Variants in NAA11 observed in about 807,000 individuals in gnomAD.
NAA11 encodes N-alpha-acetyltransferase 11, NatA catalytic subunit, also known as N-alpha-acetyltransferase 11.
In NAA11, 15 loss-of-function variants were observed where a neutral mutation model predicts 16.1. The observed-to-expected ratio is 0.93, with a 90% CI of 0.62 to 1.44. The LOEUF (loss-of-function observed/expected upper bound fraction) is 1.44, where lower values mean the gene tolerates loss of function less well. Ranked by LOEUF, NAA11 falls within the 40% of genes most tolerant of loss-of-function variation. NAA11 has a pLI of 0.00. For synonymous variants in NAA11, 122 were observed against 112.4 expected, an observed-to-expected ratio of 1.09 and a Z score of -0.54; for missense variants, 298 against 291.3, an observed-to-expected ratio of 1.02 and a Z score of -0.17.
intron 2 of NAA11, among the ~76,000 whole-genome samples, chr4:79,247,705 T>C (rs1721873169): frequency 6.6e-6 from 1 of 151,990 alleles, no homozygotes. Context: ...GGGAGAAAGC[T>C]GGGAACCCTG....
chr4:79,214,533 C>T, the NAA11 span, among the ~76,000 whole-genome samples: 3 of 152,256 alleles, frequency 2.0e-5, no homozygotes, highest in African/African-American at 7.2e-5. Context: ...GGCTCCGTGG[C>T]TCACGCCTGT....
chr4:79,229,422 A>C (rs1721406623), intron 2 of NAA11, among the ~76,000 whole-genome samples: 1 of 151,926 alleles, frequency 6.6e-6, no homozygotes, highest in South Asian at 2.1e-4. Context: ...TCTATTTTGT[A>C]AAGTAGATTT....
chr4:79,265,809 G>T (rs539277271), intron 2 of NAA11, among the ~76,000 whole-genome samples: 2 of 152,060 alleles, frequency 1.3e-5, no homozygotes, highest in East Asian at 1.9e-4. Flanking sequence ...AGAGATGAGG[G>T]TCTTGCTTTG....
the NAA11 span, among the ~76,000 whole-genome samples, chr4:79,159,308 CA>C: frequency 1.3e-5 from 2 of 152,120 alleles, no homozygotes; most frequent in African/African-American, 4.8e-5. Context: ...AGCAGATATA[CA>C]AATGGTCAAC....
intron 2 of NAA11, among the ~76,000 whole-genome samples, chr4:79,268,616 A>G (rs1722403724): frequency 6.6e-6 from 1 of 152,022 alleles, no homozygotes; most frequent in African/African-American, 2.4e-5. Context: ...TACTTTGAAG[A>G]CTCTCAATGT....
At chr4:79,287,480 A>T (rs968256) in intron 2 of NAA11, among the ~76,000 whole-genome samples, 5 of 151,250 alleles carry the variant, frequency 3.3e-5, no homozygotes, top group Non-Finnish European at 4.4e-5. Flanking sequence ...TTTCTTTTTT[A>T]TTCTTTTGGA....
chr4:79,181,286 A>G, the NAA11 span, among the ~76,000 whole-genome samples: 1 of 151,036 alleles, frequency 6.6e-6, no homozygotes, highest in Admixed American at 6.6e-5. Context: ...CAGTTTTCCC[A>G]TAGGCAAAGG....
chr4:79,249,047 A>T (rs1486467183), intron 2 of NAA11, among the ~76,000 whole-genome samples: 1 of 152,170 alleles, frequency 6.6e-6, no homozygotes, highest in African/African-American at 2.4e-5. Flanking sequence ...CAAAGCAGGG[A>T]GCCCAATGCC....
the NAA11 span, among the ~76,000 whole-genome samples, chr4:79,211,251 T>G: frequency 6.6e-6 from 1 of 152,140 alleles, no homozygotes; most frequent in African/African-American, 2.4e-5. Context: ...TACATGAGCA[T>G]GTTCTAATAA....
At chr4:79,236,838 T>C (rs1021261644) in intron 2 of NAA11, among the ~76,000 whole-genome samples, 5 of 152,120 alleles carry the variant, frequency 3.3e-5, no homozygotes, top group Non-Finnish European at 7.4e-5. Flanking sequence ...TTTGCACAAG[T>C]GACAACATTG....
At chr4:79,161,364 C>G in the NAA11 span, among the ~76,000 whole-genome samples, 1 of 152,232 alleles carries the variant, frequency 6.6e-6, no homozygotes, top group South Asian at 2.1e-4. Context: ...GATCTAAATT[C>G]TATTCCAATT....
chr4:79,308,700 C>T (rs561237321), intron 1 of NAA11: 8 of 152,060 alleles, frequency 5.3e-5, no homozygotes, highest in Admixed American at 3.9e-4. Context: ...CTTGAGGTTC[C>T]CCCAATCTAT....
chr4:79,318,447 G>A (rs1331092309), intron 1 of NAA11, among the ~76,000 whole-genome samples: 1 of 152,056 alleles, frequency 6.6e-6, no homozygotes, highest in East Asian at 1.9e-4. Context: ...AATTTGAGAG[G>A]TCCATTCATT....
chr4:79,304,024 T>C (rs72664044), intron 1 of NAA11, among the ~76,000 whole-genome samples: 5,996 of 152,294 alleles, frequency 0.039, 157 homozygotes, highest in African/African-American at 0.064. Context: ...CTTTTCTTAG[T>C]GACAGCTCGA....
chr4:79,228,946 A>C (rs1721390809), intron 2 of NAA11, among the ~76,000 whole-genome samples: 1 of 152,016 alleles, frequency 6.6e-6, no homozygotes, highest in African/African-American at 2.4e-5. Flanking sequence ...GGAACATTCT[A>C]GTTACTTTAT....
chr4:79,161,960 C>T, the NAA11 span, among the ~76,000 whole-genome samples: 50 of 152,172 alleles, frequency 3.3e-4, no homozygotes, highest in Non-Finnish European at 6.5e-4. Flanking sequence ...GGATTAGAGG[C>T]GTGAGCCACC....
downstream of NAA11, among the ~76,000 whole-genome samples, chr4:79,315,637 T>A (rs1286765779): frequency 6.6e-6 from 1 of 152,132 alleles, no homozygotes; most frequent in Non-Finnish European, 1.5e-5. Flanking sequence ...AAGCCTTGCT[T>A]TGCTCTCTCT....
At chr4:79,310,632 A>G (rs557692104) in intron 1 of NAA11, among the ~76,000 whole-genome samples, 1 of 152,288 alleles carries the variant, frequency 6.6e-6, no homozygotes, top group Non-Finnish European at 1.5e-5. Flanking sequence ...ATGGCAGGAC[A>G]CCCCACAGAG....
chr4:79,305,801 A>C (rs530160601), intron 1 of NAA11, among the ~76,000 whole-genome samples: 1 of 152,316 alleles, frequency 6.6e-6, no homozygotes, highest in East Asian at 1.9e-4. Flanking sequence ...AAGACTCTCA[A>C]ATGGTATAAC....
Sources: allele counts gnomAD v4.1 joint callset (sites outside exome capture counted in the v4.1 genomes callset), GRCh38; gene constraint gnomAD v4.1.1; transcripts MANE v1.5; gene names NCBI Gene and HGNC (gene_info 2026-07-23, HGNC 2026-07-21).